Variants in ANKRD11 observed in about 807,000 individuals in gnomAD.
ANKRD11 encodes ankyrin repeat domain-containing protein 11.
ANKRD11 carries 17 observed loss-of-function variants against 195.7 expected under a neutral mutation model. That is an observed-to-expected ratio of 0.09 (90% confidence interval 0.06 to 0.13). The LOEUF is 0.13. Ranked by LOEUF, ANKRD11 falls within the 10% of genes least tolerant of loss-of-function variation. The pLI, the probability that ANKRD11 is intolerant of heterozygous loss-of-function variation, is 1.00. For missense variants in ANKRD11, 3,735 were observed against 3,566.1 expected, an observed-to-expected ratio of 1.05 and a Z score of -1.21; for synonymous variants, 1,953 against 1,528.1, an observed-to-expected ratio of 1.28 and a Z score of -6.49.
intron 2 of ANKRD11, among the ~76,000 whole-genome samples, chr16:89,333,900 C>T (rs182960483): frequency 6.6e-6 from 1 of 152,020 alleles, no homozygotes; most frequent in Admixed American, 6.6e-5. Flanking sequence ...GTGTTGTGAA[C>T]AGAGAGATAA....
At chr16:89,457,169 C>T (rs967743788) in intron 1 of ANKRD11, among the ~76,000 whole-genome samples, 2 of 150,544 alleles carry the variant, frequency 1.3e-5, no homozygotes, top group South Asian at 4.2e-4. Context: ...CCGTTTTAGC[C>T]GGGATGGTCT....
chr16:89,280,944 G>C lies in ANKRD11; in HGVS notation c.5598C>G (p.His1866Gln), dbSNP rs754231690. The C allele has an allele frequency of 3.2e-6, 5 of 1,582,872 alleles. No homozygotes were observed. Among genetic ancestry groups the C allele is most frequent in the Non-Finnish European group, 4.3e-6 (5 of 1,161,716 alleles). ...CAGTGACAACGGCAGCCGGTGGGCAGTGCAAAGCGTCGACTTTGGGCGACG... is the reference window on the plus strand; with the variant it reads ...CAGTGACAACGGCAGCCGGTGGGCACTGCAAAGCGTCGACTTTGGGCGACG... The part of the protein sequence containing the change: ...GLPSPKVDAL[H>Q]CPPAAVVTVT... Residue 1866 changes from histidine to glutamine, a missense_variant, in exon 9 of 13, where the codon CAC (histidine) becomes CAG (glutamine). Physicochemically the swap from His to Gln is conservative, Grantham distance 24. Transcript: ENST00000301030.
intron 1 of ANKRD11, among the ~76,000 whole-genome samples, chr16:89,489,512 G>C (rs1384881496): frequency 6.8e-6 from 1 of 146,458 alleles, no homozygotes; most frequent in East Asian, 2.1e-4. Context: ...CAGGTCCCCA[G>C]TTCGCCCTCC....
chr16:89,337,045 G>T (rs890049493), intron 2 of ANKRD11, among the ~76,000 whole-genome samples: 2 of 148,312 alleles, frequency 1.3e-5, no homozygotes, highest in African/African-American at 2.5e-5. Flanking sequence ...AATTAGCCAG[G>T]TGTGGTGGTG....
At chr16:89,432,306 G>A (rs973962843) in intron 1 of ANKRD11, among the ~76,000 whole-genome samples, 9 of 150,922 alleles carry the variant, frequency 6.0e-5, no homozygotes, top group Middle Eastern at 3.4e-3. Context: ...TTCACAGGAC[G>A]AAAGCTTCCA....
chr16:89,427,923 T>C lies in ANKRD11; in HGVS notation c.-144-9555A>G, dbSNP rs9933533. On this transcript the variant is annotated intron_variant, in intron 1 of 12. Transcript: ENST00000301030. ...TTTTAAACTCTTTAGTTTGAAAGGT[T>C]TAAAATTCTTCAATAATCTAGTGCC... 0.52 allele frequency among the ~76,000 whole-genome samples: 78,720 copies of C among 151,914 alleles called. 20,789 individuals are homozygous for C. Among genetic ancestry groups the C allele is most frequent in the Middle Eastern group, 0.72 (213 of 294 alleles).
At chr16:89,455,425 A>C (rs1332462912) in intron 1 of ANKRD11, among the ~76,000 whole-genome samples, 1 of 152,118 alleles carries the variant, frequency 6.6e-6, no homozygotes, top group Non-Finnish European at 1.5e-5. Context: ...GCTACTCAGT[A>C]AGAAAAACCA....
At chr16:89,457,948 C>T (rs1476602687) in intron 1 of ANKRD11, among the ~76,000 whole-genome samples, 5 of 152,114 alleles carry the variant, frequency 3.3e-5, no homozygotes, top group Non-Finnish European at 1.5e-5. Context: ...CCAGCTGAGA[C>T]GGCACCTCGC....
chr16:89,330,411 G>A (rs996294557), intron 2 of ANKRD11, among the ~76,000 whole-genome samples: 12 of 152,058 alleles, frequency 7.9e-5, no homozygotes, highest in African/African-American at 1.2e-4. Context: ...CTCGCACACC[G>A]GGAGGGCTGC....
chr16:89,362,772 G>A lies in ANKRD11; in HGVS notation c.-59-45694C>T, dbSNP rs555459000. On this transcript the variant is annotated intron_variant, in intron 2 of 12. Transcript: ENST00000301030. ...CTGGTCGAAGCAAGCATTAGGTCAC[G>A]GCCTGTTCCTCTTCCTTAGTTGAAG... Among the ~76,000 whole-genome samples the A allele has an allele frequency of 7.4e-3, 1,130 of 152,222 alleles. 13 individuals are homozygous for A. Among genetic ancestry groups the A allele is most frequent in the African/African-American group, 0.025 (1,054 of 41,500 alleles).
At position 89,359,986 on chromosome 16, in the gene ANKRD11, C is replaced by T. The variant is rs527484040; in HGVS notation, c.-59-42908G>A. Among the ~76,000 whole-genome samples, 9 of 152,066 alleles carry T rather than the reference C, an allele frequency of 5.9e-5. No individual in the cohort carries two copies. The East Asian group carries it at 9.6e-4, about 16-fold the overall frequency. ...GCAGTGGGCGGGGGGGGAGGTTGTA[C>T]GTGTTATTCTATCACCCAGTACTAA... On this transcript the variant is annotated intron_variant, in intron 2 of 12. Coordinates refer to ENST00000301030, the MANE Select transcript of ANKRD11 (RefSeq NM_013275.6).
intron 2 of ANKRD11, among the ~76,000 whole-genome samples, chr16:89,409,479 T>C (rs2042034977): frequency 6.6e-6 from 1 of 152,152 alleles, no homozygotes. Flanking sequence ...CATAAAAACA[T>C]ACAGGTGTGA....
At chr16:89,430,548 A>G (rs2042934101) in intron 1 of ANKRD11, among the ~76,000 whole-genome samples, 1 of 152,008 alleles carries the variant, frequency 6.6e-6, no homozygotes, top group Non-Finnish European at 1.5e-5. Flanking sequence ...ACGTTCTAGT[A>G]CACAGCAGGG....
At chr16:89,396,571 T>C (rs531150522) in intron 2 of ANKRD11, among the ~76,000 whole-genome samples, 1 of 152,116 alleles carries the variant, frequency 6.6e-6, no homozygotes, top group Non-Finnish European at 1.5e-5. Flanking sequence ...TAGAACAACA[T>C]ATTTACCACA....
intron 1 of ANKRD11, among the ~76,000 whole-genome samples, chr16:89,442,237 C>T (rs924866398): frequency 4.6e-5 from 7 of 152,192 alleles, no homozygotes; most frequent in Non-Finnish European, 8.8e-5. Context: ...GAGAACATGC[C>T]AGGTCATGTC....
At chr16:89,319,585 T>C (rs1226599941) in intron 2 of ANKRD11, among the ~76,000 whole-genome samples, 1 of 152,196 alleles carries the variant, frequency 6.6e-6, no homozygotes, top group Non-Finnish European at 1.5e-5. Context: ...ATGTTACCGA[T>C]GGCAGCGATG....
chr16:89,331,476 C>G (rs950107130), intron 2 of ANKRD11, among the ~76,000 whole-genome samples: 6 of 152,154 alleles, frequency 3.9e-5, no homozygotes, highest in Non-Finnish European at 7.4e-5. Context: ...ATCAAAGAAT[C>G]TTAGTGTGTA....
rs546654111 is a variant in ANKRD11 at position 89,332,834 on chromosome 16, C to G, written c.-59-15756G>C. Among the ~76,000 whole-genome samples, 42 of 152,356 alleles carry G rather than the reference C, an allele frequency of 2.8e-4. 1 individual carries two copies. In the South Asian group the frequency reaches 8.7e-3, roughly 32 times the overall value. ...AGAAAGCAAGCAATTCCCTTAGAAA[C>G]GTCCATTTCTTTCCTTTATGCTCAA... On this transcript the variant is annotated intron_variant, in intron 2 of 12. Coordinates refer to ENST00000301030, the MANE Select transcript of ANKRD11 (RefSeq NM_013275.6).
intron 2 of ANKRD11, among the ~76,000 whole-genome samples, chr16:89,352,366 T>G (rs1262094120): frequency 6.6e-6 from 1 of 151,052 alleles, no homozygotes; most frequent in East Asian, 2.0e-4. Flanking sequence ...CCGCAATGTC[T>G]CAAGGCAGCC....
Sources: gnomAD v4.1 joint callset for allele counts (sites outside exome capture counted in the v4.1 genomes callset) on GRCh38, gnomAD v4.1.1 for gene constraint, MANE v1.5 for transcripts, NCBI Gene and HGNC (gene_info 2026-07-23, HGNC 2026-07-21) for gene names.